The following CACNG4 variants were observed in gnomAD, a reference collection of about 807,000 sequenced individuals.
CACNG4 encodes the protein calcium voltage-gated channel auxiliary subunit gamma 4, also known as voltage-dependent calcium channel gamma-4 subunit.
A neutral mutation model predicts 22.9 loss-of-function variants in CACNG4; 8 were observed. The observed-to-expected ratio is 0.35, with a 90% confidence interval of 0.21 to 0.63. The LOEUF is 0.63. CACNG4 is among the 30% of genes least tolerant of loss of function. CACNG4 has a pLI of 0.72. For missense variants in CACNG4, 357 were observed against 455.4 expected (o/e 0.78, Z 1.97); for synonymous variants, 188 against 191.9 (o/e 0.98, Z 0.17).
rs760175408 is a variant in CACNG4 at position 66,965,158 on chromosome 17, CCCCACA to C, written c.220+29_220+34del. On this transcript the variant is annotated intron_variant, in intron 1 of 3. Transcript: ENST00000262138. Reference sequence around the variant, plus strand: ...TACGGCCAGCCCCGACCCCTCGCCGCCCCACACACACACACACACACACACACATAT... The same window carrying C: ...TACGGCCAGCCCCGACCCCTCGCCGCCACACACACACACACACACACATAT... 4.2e-4 allele frequency: 296 copies of C among 703,666 alleles called. 5 individuals are homozygous for C. The highest frequency in any genetic ancestry group is 9.9e-4 in the African/African-American group (33 of 33,486). 43.6% of individuals were successfully genotyped at this position (703,666 alleles called of 1,614,324 possible). A position where few individuals can be genotyped will look rare whatever the true frequency, so the allele number is the denominator to read the frequency against.
At chr17:66,977,876 AC>A (rs1351333551) in intron 1 of CACNG4, among the ~76,000 whole-genome samples, 1 of 152,068 alleles carries the variant, frequency 6.6e-6, no homozygotes, top group East Asian at 1.9e-4. Context: ...GGTTCTGGAG[AC>A]CCTGGGGCAC....
intron 1 of CACNG4, among the ~76,000 whole-genome samples, chr17:66,987,524 G>C (rs79393766): frequency 0.024 from 3,645 of 152,250 alleles, 49 homozygotes; most frequent in Middle Eastern, 0.037. Context: ...TTGATCACTC[G>C]GGTGATGGAA....
intron 1 of CACNG4, among the ~76,000 whole-genome samples, chr17:66,992,131 CG>C (rs1198501430): frequency 6.8e-6 from 1 of 146,680 alleles, no homozygotes; most frequent in Admixed American, 7.1e-5. Flanking sequence ...TGTCATGTCA[CG>C]GGGTACCTGG....
intron 1 of CACNG4, among the ~76,000 whole-genome samples, chr17:66,971,651 G>C (rs552443007): frequency 6.6e-6 from 1 of 152,138 alleles, no homozygotes; most frequent in Non-Finnish European, 1.5e-5. Flanking sequence ...ACAGGAAATT[G>C]TCAGGGAAGG....
chr17:67,022,338 G>T lies in CACNG4; in HGVS notation c.305-2522G>T, dbSNP rs1216741450. ...GATCCACTCACCTCGGGCTCCCAAAGTGCTGGATGGACTTCCTTCTTTCGG... is the reference window on the plus strand; with the variant it reads ...GATCCACTCACCTCGGGCTCCCAAATTGCTGGATGGACTTCCTTCTTTCGG... On this transcript the variant is annotated intron_variant, in intron 2 of 3. Transcript: ENST00000262138. 2.0e-5 allele frequency among the ~76,000 whole-genome samples: 3 copies of T among 152,298 alleles called. No individual in the cohort carries two copies. The East Asian group carries it at 5.8e-4, about 29-fold the overall frequency.
intron 1 of CACNG4, among the ~76,000 whole-genome samples, chr17:67,015,067 G>A (rs2143349032): frequency 6.6e-6 from 1 of 152,282 alleles, no homozygotes; most frequent in South Asian, 2.1e-4. Flanking sequence ...TCTCCACGGG[G>A]CTGAAGACAG....
chr17:66,975,858 G>T (rs1160947653), intron 1 of CACNG4, among the ~76,000 whole-genome samples: 1 of 152,252 alleles, frequency 6.6e-6, no homozygotes, highest in African/African-American at 2.4e-5. Context: ...CCAGGCTGTG[G>T]CTGGGCTGGG....
chr17:66,999,779 TTTGG>T (rs946587551), intron 1 of CACNG4, among the ~76,000 whole-genome samples: 18 of 152,142 alleles, frequency 1.2e-4, no homozygotes, highest in African/African-American at 3.9e-4. Context: ...CGAGATGAGA[TTTGG>T]GTGGGGACAC....
intron 2 of CACNG4, 120 bp downstream of exon 2, chr17:67,018,392 A>T: frequency 1.4e-6 from 1 of 709,078 alleles, no homozygotes. Flanking sequence ...TGGTCCACTC[A>T]CTGTCTTACT....
intron 1 of CACNG4, among the ~76,000 whole-genome samples, chr17:67,013,871 C>G (rs749879278): frequency 6.6e-6 from 1 of 152,080 alleles, no homozygotes; most frequent in Admixed American, 6.5e-5. Context: ...GGGATATACA[C>G]GTGTGCAGAC....
chr17:66,982,761 G>A (rs1170532598), intron 1 of CACNG4, among the ~76,000 whole-genome samples: 1 of 152,126 alleles, frequency 6.6e-6, no homozygotes, highest in Non-Finnish European at 1.5e-5. Flanking sequence ...TTGCTCTGTT[G>A]CCCAGGCTGG....
chr17:66,994,355 C>T (rs1042383818), intron 1 of CACNG4, among the ~76,000 whole-genome samples: 1 of 152,078 alleles, frequency 6.6e-6, no homozygotes, highest in Admixed American at 6.5e-5. Context: ...ACTGCGCCTC[C>T]GCTACTAGCA....
intron 1 of CACNG4, among the ~76,000 whole-genome samples, chr17:66,965,750 T>A (rs990566016): frequency 2.1e-5 from 3 of 146,256 alleles, no homozygotes; most frequent in Admixed American, 2.0e-4. Flanking sequence ...GGAGCCGGGG[T>A]AGGGGCTGAG....
intron 1 of CACNG4, among the ~76,000 whole-genome samples, chr17:66,969,829 A>T (rs1204402011): frequency 6.6e-6 from 1 of 152,098 alleles, no homozygotes; most frequent in African/African-American, 2.4e-5. Flanking sequence ...TTCATCAAAT[A>T]ATAGCCTTTC....
chr17:67,022,852 G>A (rs2035540389), intron 2 of CACNG4, among the ~76,000 whole-genome samples: 1 of 152,224 alleles, frequency 6.6e-6, no homozygotes, highest in Non-Finnish European at 1.5e-5. Flanking sequence ...AGATGCTAAG[G>A]GAGGGGCACC....
chr17:66,981,618 G>T (rs1209833319), intron 1 of CACNG4, among the ~76,000 whole-genome samples: 1 of 152,186 alleles, frequency 6.6e-6, no homozygotes, highest in African/African-American at 2.4e-5. Context: ...GTCACCAGTG[G>T]CCTCTTGAGC....
intron 1 of CACNG4, among the ~76,000 whole-genome samples, chr17:66,999,409 T>C (rs1268670457): frequency 1.3e-5 from 2 of 152,112 alleles, no homozygotes; most frequent in African/African-American, 4.8e-5. Flanking sequence ...ATTAGTCCGT[T>C]TTTACACTGC....
At chr17:66,971,987 A>G (rs2035207557) in intron 1 of CACNG4, among the ~76,000 whole-genome samples, 1 of 152,180 alleles carries the variant, frequency 6.6e-6, no homozygotes, top group Admixed American at 6.5e-5. Context: ...CCATCTGGAC[A>G]TTGTGGCAGA....
At chr17:67,025,567 C>T (rs897471394) in intron 3 of CACNG4, among the ~76,000 whole-genome samples, 3 of 148,016 alleles carry the variant, frequency 2.0e-5, no homozygotes, top group South Asian at 2.1e-4. Flanking sequence ...GCAGAGCAGG[C>T]GGCCCCCGCC....
Sources: gnomAD v4.1 joint callset for allele counts (sites outside exome capture counted in the v4.1 genomes callset) on GRCh38, gnomAD v4.1.1 for gene constraint, MANE v1.5 for transcripts, NCBI Gene and HGNC (gene_info 2026-07-23, HGNC 2026-07-21) for gene names.